The following CADPS2 variants were observed in gnomAD, a reference collection of about 807,000 sequenced individuals.
CADPS2 encodes calcium-dependent secretion activator 2.
Under a neutral mutation model 172.5 loss-of-function variants are expected in CADPS2, and 93 were observed. The ratio of observed to expected loss-of-function variants is 0.54; its 90% CI spans 0.46 to 0.64. CADPS2 has a LOEUF of 0.64. Among genes scored for constraint, CADPS2 ranks in the 30% least tolerant of loss-of-function variants. The probability of loss-of-function intolerance (pLI) is 0.00; values close to 1 mark genes in which losing one functional copy is unlikely to be tolerated. For synonymous variants in CADPS2, 546 were observed against 555.2 expected, an observed-to-expected ratio of 0.98 and a Z score of 0.23; for missense variants, 1,420 against 1,565.9, an observed-to-expected ratio of 0.91 and a Z score of 1.57.
At chr7:122,528,145 T>C (rs1006971621) in intron 8 of CADPS2, among the ~76,000 whole-genome samples, 3 of 108,178 alleles carry the variant, frequency 2.8e-5, no homozygotes, top group Admixed American at 2.7e-4. Flanking sequence ...GTGGTGGTGG[T>C]GGTGGTGGTG....
intron 8 of CADPS2, among the ~76,000 whole-genome samples, chr7:122,546,383 C>T (rs2063619782): frequency 2.0e-5 from 3 of 152,108 alleles, no homozygotes; most frequent in Admixed American, 1.3e-4. Context: ...CCCTTATACC[C>T]GTATGTTAAC....
chr7:122,381,278 G>A (rs2042970163), intron 24 of CADPS2, among the ~76,000 whole-genome samples: 1 of 152,112 alleles, frequency 6.6e-6, no homozygotes, highest in Admixed American at 6.6e-5. Flanking sequence ...TATTCAGCAA[G>A]AGGAAATTAA....
intron 2 of CADPS2, chr7:122,676,599 C>G (rs1968146): frequency 0.15 from 164,369 of 1,113,192 alleles, 12,855 homozygotes; most frequent in Non-Finnish European, 0.16. Flanking sequence ...AGCATGACTA[C>G]AGAGAGATCC....
At chr7:122,684,140 G>C (rs2083372173) in intron 2 of CADPS2, among the ~76,000 whole-genome samples, 1 of 151,934 alleles carries the variant, frequency 6.6e-6, no homozygotes, top group Non-Finnish European at 1.5e-5. Context: ...TAGAAGTTTG[G>C]TGATATTTTT....
chr7:122,345,758 A>C (rs957149507), intron 27 of CADPS2, 77 bp from the exon 28 acceptor site: 6 of 963,198 alleles, frequency 6.2e-6, no homozygotes, highest in African/African-American at 4.9e-5. Flanking sequence ...TCATACCCTG[A>C]AAAATAATTT....
chr7:122,356,520 C>T (rs56967982), intron 27 of CADPS2, among the ~76,000 whole-genome samples: 8,940 of 152,078 alleles, frequency 0.059, 465 homozygotes, highest in East Asian at 0.18. Flanking sequence ...TTGTACTCTT[C>T]GGAAGGAAGT....
intron 29 of CADPS2, among the ~76,000 whole-genome samples, chr7:122,320,865 A>G (rs2197290): frequency 0.36 from 54,978 of 152,030 alleles, 10,156 homozygotes; most frequent in East Asian, 0.47. Context: ...GTACCACTGG[A>G]TAAAAATTTG....
At chr7:122,641,415 A>G (rs2077630873) in intron 3 of CADPS2, among the ~76,000 whole-genome samples, 1 of 152,124 alleles carries the variant, frequency 6.6e-6, no homozygotes, top group African/African-American at 2.4e-5. Flanking sequence ...CTTGAATTGG[A>G]CCTTTGGAAG....
At chr7:122,797,720 G>A (rs907444893) in intron 1 of CADPS2, among the ~76,000 whole-genome samples, 8 of 152,256 alleles carry the variant, frequency 5.3e-5, no homozygotes, top group African/African-American at 1.9e-4. Context: ...TTGCAGGGTG[G>A]AGGCAGGGAG....
intron 1 of CADPS2, among the ~76,000 whole-genome samples, chr7:122,831,942 G>A (rs559109899): frequency 6.6e-6 from 1 of 152,240 alleles, no homozygotes; most frequent in South Asian, 2.1e-4. Context: ...GAGAAGAGTG[G>A]ATGCTGTCAT....
chr7:122,557,678 T>C (rs890739831), intron 7 of CADPS2, among the ~76,000 whole-genome samples: 1 of 152,088 alleles, frequency 6.6e-6, no homozygotes, highest in Non-Finnish European at 1.5e-5. Flanking sequence ...TCTCTTGAGA[T>C]AAGGTGAATG....
chr7:122,666,410 G>A (rs560365250), intron 2 of CADPS2, among the ~76,000 whole-genome samples: 1 of 146,418 alleles, frequency 6.8e-6, no homozygotes, highest in Admixed American at 7.0e-5. Flanking sequence ...ATGGCACCAT[G>A]TCGGTTCACT....
chr7:122,774,123 T>G (rs960576318), intron 1 of CADPS2, among the ~76,000 whole-genome samples: 2 of 152,024 alleles, frequency 1.3e-5, no homozygotes, highest in Non-Finnish European at 2.9e-5. Context: ...TTCAATTACA[T>G]TTTCAATTTC....
intron 1 of CADPS2, among the ~76,000 whole-genome samples, chr7:122,824,725 A>G (rs955211064): frequency 4.6e-5 from 7 of 152,230 alleles, no homozygotes; most frequent in African/African-American, 1.2e-4. Flanking sequence ...GTGTATTAAG[A>G]TTTTTTAATT....
At chr7:122,797,507 G>T (rs1402005426) in intron 1 of CADPS2, among the ~76,000 whole-genome samples, 1 of 152,090 alleles carries the variant, frequency 6.6e-6, no homozygotes, top group East Asian at 1.9e-4. Context: ...CCATGGAACA[G>T]TATGCACCAT....
chr7:122,660,080 G>A (rs2080349621), intron 3 of CADPS2, among the ~76,000 whole-genome samples: 1 of 151,918 alleles, frequency 6.6e-6, no homozygotes, highest in Admixed American at 6.6e-5. Context: ...CATCAGAGGA[G>A]GAATAAATGA....
At chr7:122,452,474 C>T (rs1175370498) in intron 14 of CADPS2, among the ~76,000 whole-genome samples, 10 of 152,208 alleles carry the variant, frequency 6.6e-5, no homozygotes, top group African/African-American at 2.4e-4. Flanking sequence ...TGGCTCAGTG[C>T]AACCTCCGCC....
chr7:122,396,710 T>TG (rs2045184469), intron 20 of CADPS2, among the ~76,000 whole-genome samples: 1 of 152,204 alleles, frequency 6.6e-6, no homozygotes, highest in South Asian at 2.1e-4. Flanking sequence ...GCTGTCCCCT[T>TG]GCCCAATTAC....
At chr7:122,706,898 T>C (rs2087652386) in intron 2 of CADPS2, among the ~76,000 whole-genome samples, 2 of 151,118 alleles carry the variant, frequency 1.3e-5, no homozygotes, top group Admixed American at 6.6e-5. Flanking sequence ...TTGGCTAGAA[T>C]TGCTTCACAA....
Sources: allele counts gnomAD v4.1 joint callset (sites outside exome capture counted in the v4.1 genomes callset), GRCh38; gene constraint gnomAD v4.1.1; transcripts MANE v1.5; gene names NCBI Gene and HGNC (gene_info 2026-07-23, HGNC 2026-07-21).